USP32: variants seen among roughly 807,000 people sequenced by gnomAD.
USP32 encodes ubiquitin specific peptidase 32.
In USP32, 59 loss-of-function variants were observed where a neutral mutation model predicts 204.8. The ratio of observed to expected loss-of-function variants is 0.29; its 90% CI spans 0.23 to 0.36. USP32 has a LOEUF of 0.36. USP32 is among the 10% of genes least tolerant of loss of function. USP32 has a pLI of 1.00. For missense variants in USP32, 1,160 were observed against 1,946.4 expected (o/e 0.60, Z 7.60); for synonymous variants, 517 against 678.4 (o/e 0.76, Z 3.70).
chr17:60,413,198 T>C (rs1005284066), intron 1 of USP32, among the ~76,000 whole-genome samples: 1 of 152,174 alleles, frequency 6.6e-6, no homozygotes, highest in Non-Finnish European at 1.5e-5. Context: ...TGTGCAGAGA[T>C]GTGTTCTGTA....
At chr17:60,369,464 C>T (rs564821918) in intron 1 of USP32, among the ~76,000 whole-genome samples, 13 of 148,910 alleles carry the variant, frequency 8.7e-5, no homozygotes, top group Non-Finnish European at 1.6e-4. Flanking sequence ...TTTTACTACA[C>T]TCCAAGATAA....
intron 9 of USP32, among the ~76,000 whole-genome samples, chr17:60,263,391 T>C (rs1326308883): frequency 6.6e-6 from 1 of 151,974 alleles, no homozygotes; most frequent in Non-Finnish European, 1.5e-5. Flanking sequence ...CAGAGAAGAG[T>C]TGGAAGTCAG....
chr17:60,348,070 C>T (rs1313027752), intron 1 of USP32, among the ~76,000 whole-genome samples: 1 of 149,802 alleles, frequency 6.7e-6, no homozygotes, highest in East Asian at 2.0e-4. Context: ...CGCAGTGAGC[C>T]AAGATAGCGC....
intron 25 of USP32, 44 bp from the exon 26 acceptor site, chr17:60,205,702 T>C (rs1357075103): frequency 1.3e-6 from 2 of 1,599,302 alleles, no homozygotes; most frequent in Non-Finnish European, 1.7e-6. Flanking sequence ...CTTGTGGTAT[T>C]TTCATCTTTG....
At chr17:60,358,253 A>G (rs57607599) in intron 1 of USP32, among the ~76,000 whole-genome samples, 3,274 of 152,228 alleles carry the variant, frequency 0.022, 137 homozygotes, top group African/African-American at 0.075. Flanking sequence ...CTACGGAAAA[A>G]TAAGTTTTAA....
At chr17:60,406,190 T>TG (rs1205931826) in intron 1 of USP32, among the ~76,000 whole-genome samples, 3 of 150,582 alleles carry the variant, frequency 2.0e-5, no homozygotes, top group African/African-American at 7.3e-5. Context: ...CTTATTATTC[T>TG]GAAAAAAAAA....
intron 20 of USP32, 118 bp from the exon 21 acceptor site, chr17:60,211,236 A>G: frequency 6.7e-7 from 1 of 1,502,272 alleles, no homozygotes; most frequent in Non-Finnish European, 8.9e-7. Flanking sequence ...CAAGAGATGT[A>G]TTCCTTGGCC....
At chr17:60,384,038 C>G (rs7225058) in intron 1 of USP32, among the ~76,000 whole-genome samples, 7,024 of 152,182 alleles carry the variant, frequency 0.046, 571 homozygotes, top group African/African-American at 0.16. Context: ...AGACTAAACT[C>G]AATACCAAAC....
At chr17:60,212,741 T>C (rs939725192) in intron 18 of USP32, among the ~76,000 whole-genome samples, 2 of 151,366 alleles carry the variant, frequency 1.3e-5, no homozygotes, top group Non-Finnish European at 2.9e-5. Context: ...TTGTAACAAC[T>C]GTCAGAGTAA....
chr17:60,194,561 GT>G (rs1161541574), intron 27 of USP32, among the ~76,000 whole-genome samples: 1 of 152,112 alleles, frequency 6.6e-6, no homozygotes, highest in Non-Finnish European at 1.5e-5. Context: ...AGTTCACTGT[GT>G]TTTTTCTCCA....
chr17:60,384,833 C>T (rs1049960981), intron 1 of USP32, among the ~76,000 whole-genome samples: 1 of 151,732 alleles, frequency 6.6e-6, no homozygotes, highest in African/African-American at 2.4e-5. Flanking sequence ...CCTGGCTGGG[C>T]GTGGTGGCTC....
rs2088763287 is a variant in USP32 at position 60,345,472 on chromosome 17, A to G, written c.186+9T>C. On this transcript the variant is annotated intron_variant, in intron 2 of 33. Coordinates refer to ENST00000300896, the MANE Select transcript of USP32 (RefSeq NM_032582.4). Reference sequence around the variant, plus strand: ...TACCTCAAAGGAAAACTTAGAACAAAAAGATTACCTCAGCAACCTTTGGAG... The same window carrying G: ...TACCTCAAAGGAAAACTTAGAACAAGAAGATTACCTCAGCAACCTTTGGAG... 1 of 1,612,814 alleles carries G rather than the reference A, an allele frequency of 6.2e-7. No individual in the cohort carries two copies. Among genetic ancestry groups the G allele is most frequent in the African/African-American group, 1.3e-5 (1 of 74,844 alleles).
chr17:60,414,289 G>A (rs1302920195), intron 1 of USP32, among the ~76,000 whole-genome samples: 1 of 151,860 alleles, frequency 6.6e-6, no homozygotes, highest in African/African-American at 2.4e-5. Context: ...CTTGAACCTG[G>A]GAGGCAGAGG....
Position 60,192,850 on chromosome 17 carries a change from C to T in USP32, c.3515G>A (p.Trp1172Ter). 1 of 1,613,950 alleles carries T rather than the reference C, an allele frequency of 6.2e-7. No homozygotes were observed. Among genetic ancestry groups the T allele is most frequent in the Non-Finnish European group, 8.5e-7 (1 of 1,179,842 alleles). ...KDGNSCAWCP[W>*]YRFCRGCKID... Reference sequence around the variant, plus strand: ...CTTTTGCAGGTCACTTTACCTATACCATGGGCACCAAGCACAGGAGTTCCC... The same window carrying T: ...CTTTTGCAGGTCACTTTACCTATACTATGGGCACCAAGCACAGGAGTTCCC... The change falls in exon 28 of 34, where the codon TGG (tryptophan) becomes TAG (stop). Residue 1172 changes from tryptophan (W) to a stop codon, truncating the protein, a stop_gained. Coordinates refer to ENST00000300896, the MANE Select transcript of USP32 (RefSeq NM_032582.4). LOFTEE classifies it high-confidence loss of function.
rs186212894 is a variant in USP32, at chr17:60,222,718, G to A, written c.1609-169C>T. ...TTTTTTTGAGACGGGGTCTTGTTCC[G>A]TCACCCAGGCTGGAGTACAGTGGCG... On this transcript the variant is annotated intron_variant, in intron 14 of 33. Coordinates refer to ENST00000300896, the MANE Select transcript of USP32 (RefSeq NM_032582.4). Among the ~76,000 whole-genome samples the A allele has an allele frequency of 1.0e-3, 140 of 135,046 alleles. 1 individual carries two copies. Among genetic ancestry groups the A allele is most frequent in the South Asian group, 1.6e-3 (7 of 4,408 alleles). The allele number at this position is 135,046 out of a possible 152,430, so 88.6% of individuals were successfully genotyped here.
At chr17:60,220,424 G>A (rs1420763118) in intron 15 of USP32, among the ~76,000 whole-genome samples, 3 of 152,156 alleles carry the variant, frequency 2.0e-5, no homozygotes, top group East Asian at 3.9e-4. Flanking sequence ...TTCTACTTGC[G>A]TAACCAGTCT....
chr17:60,228,495 C>CTTTTT (rs796712684), intron 12 of USP32, among the ~76,000 whole-genome samples: 5 of 135,774 alleles, frequency 3.7e-5, no homozygotes, highest in African/African-American at 1.6e-4. Context: ...TTTCTTTTTT[C>CTTTTT]TTTTTCTTTT....
At chr17:60,200,023 G>A (rs1166978248) in intron 26 of USP32, among the ~76,000 whole-genome samples, 1 of 152,026 alleles carries the variant, frequency 6.6e-6, no homozygotes, top group Non-Finnish European at 1.5e-5. Context: ...GTGAAACCCT[G>A]TCTCTACTAA....
intron 1 of USP32, among the ~76,000 whole-genome samples, chr17:60,398,032 CA>C: frequency 6.6e-6 from 1 of 151,382 alleles, no homozygotes; most frequent in Admixed American, 6.6e-5. Context: ...TATTTTCTTC[CA>C]AATGGATTTG....
Sources: allele counts gnomAD v4.1 joint callset (sites outside exome capture counted in the v4.1 genomes callset), GRCh38; gene constraint gnomAD v4.1.1; transcripts MANE v1.5; gene names NCBI Gene and HGNC (gene_info 2026-07-23, HGNC 2026-07-21).